IQCM: variants seen among roughly 807,000 people sequenced by gnomAD.
The protein encoded by IQCM is IQ motif containing M, also known as IQ domain-containing protein M.
IQCM carries 45 observed loss-of-function variants against 57.6 expected under a neutral mutation model. The observed-to-expected ratio is 0.78, with a 90% CI of 0.62 to 1.00. IQCM has a LOEUF of 1.00. IQCM is among the 50% of genes least tolerant of loss of function. The probability of loss-of-function intolerance (pLI) is 0.00; values close to 1 mark genes in which losing one functional copy is unlikely to be tolerated. For missense variants in IQCM, 468 were observed against 511.6 expected (o/e 0.91, Z 0.82); for synonymous variants, 148 against 158.9 (o/e 0.93, Z 0.51).
intron 13 of IQCM, among the ~76,000 whole-genome samples, chr4:149,362,129 G>C (rs2110924512): frequency 6.6e-6 from 1 of 152,158 alleles, no homozygotes; most frequent in Non-Finnish European, 1.5e-5. Flanking sequence ...CCTTTGTTTT[G>C]GCCAATTTCT....
intron 12 of IQCM, 131 bp downstream of exon 12, chr4:149,548,324 A>T: frequency 2.9e-6 from 2 of 683,588 alleles, no homozygotes; most frequent in Non-Finnish European, 4.1e-6. Flanking sequence ...GAAAGCACTT[A>T]CACAAAAAGT....
chr4:149,798,367 A>G (rs990596026), intron 2 of IQCM, among the ~76,000 whole-genome samples: 4 of 152,082 alleles, frequency 2.6e-5, no homozygotes, highest in Non-Finnish European at 4.4e-5. Context: ...ATAAAGCAAG[A>G]AACTAAATTG....
intron 9 of IQCM, among the ~76,000 whole-genome samples, chr4:149,568,508 A>AG (rs1479118794): frequency 2.0e-5 from 3 of 152,054 alleles, no homozygotes; most frequent in African/African-American, 7.2e-5. Flanking sequence ...TAATAAAGCC[A>AG]GGTACAGTGG....
At chr4:149,633,053 C>T (rs934452043) in intron 7 of IQCM, among the ~76,000 whole-genome samples, 3 of 145,996 alleles carry the variant, frequency 2.1e-5, no homozygotes, top group African/African-American at 2.5e-5. Context: ...CCCAGCTACT[C>T]GGGAGGCTGA....
At chr4:149,558,942 G>A (rs1749853648) in intron 10 of IQCM, among the ~76,000 whole-genome samples, 1 of 152,140 alleles carries the variant, frequency 6.6e-6, no homozygotes, top group Non-Finnish European at 1.5e-5. Context: ...TGGACTCAGT[G>A]TTAAAACACA....
intron 12 of IQCM, among the ~76,000 whole-genome samples, chr4:149,498,630 G>T (rs1742919692): frequency 6.6e-6 from 1 of 152,128 alleles, no homozygotes; most frequent in Non-Finnish European, 1.5e-5. Flanking sequence ...CCCTCCCAGG[G>T]TGCCCTGAAG....
chr4:149,684,831 G>A (rs1242328973), intron 6 of IQCM, among the ~76,000 whole-genome samples: 5 of 151,318 alleles, frequency 3.3e-5, no homozygotes, highest in African/African-American at 4.8e-5. Flanking sequence ...TGTTAAAGTA[G>A]GAAACAAGTT....
At chr4:149,648,661 C>T (rs1758869561) in intron 7 of IQCM, among the ~76,000 whole-genome samples, 1 of 152,122 alleles carries the variant, frequency 6.6e-6, no homozygotes, top group African/African-American at 2.4e-5. Context: ...AAAAACCAAA[C>T]ACCGCATGTT....
intron 2 of IQCM, chr4:149,780,083 A>C (rs1162497015): frequency 6.6e-6 from 1 of 152,164 alleles, no homozygotes; most frequent in Non-Finnish European, 1.5e-5. Context: ...TGTTCGATTT[A>C]AGCCATCAAG....
At chr4:149,509,241 A>G (rs761297622) in intron 12 of IQCM, among the ~76,000 whole-genome samples, 5 of 152,032 alleles carry the variant, frequency 3.3e-5, no homozygotes, top group Non-Finnish European at 7.4e-5. Flanking sequence ...GGGAGATTGA[A>G]GTTTTGATAT....
chr4:149,632,943 T>C (rs1757397834), intron 7 of IQCM, among the ~76,000 whole-genome samples: 1 of 150,874 alleles, frequency 6.6e-6, no homozygotes, highest in Admixed American at 6.6e-5. Flanking sequence ...GGGTGGATCA[T>C]GAGGTCAGGA....
chr4:149,538,031 A>T (rs1473019716), intron 12 of IQCM, among the ~76,000 whole-genome samples: 1 of 151,254 alleles, frequency 6.6e-6, no homozygotes, highest in Non-Finnish European at 1.5e-5. Context: ...TATATATATG[A>T]ATATATATAT....
intron 12 of IQCM, among the ~76,000 whole-genome samples, chr4:149,502,721 TAGAG>T (rs1247981240): frequency 2.0e-5 from 3 of 150,766 alleles, no homozygotes; most frequent in Non-Finnish European, 3.0e-5. Flanking sequence ...ACAAATAAAA[TAGAG>T]AGAGAAATGG....
chr4:149,567,648 CA>C (rs1413211477), intron 9 of IQCM, among the ~76,000 whole-genome samples: 1 of 151,834 alleles, frequency 6.6e-6, no homozygotes, highest in African/African-American at 2.4e-5. Flanking sequence ...TGCAGGGCCT[CA>C]AGTTGCAAAT....
chr4:149,436,562 CATTGTTAACTAAAAATA>C (rs1296405962), intron 12 of IQCM, among the ~76,000 whole-genome samples: 1 of 152,022 alleles, frequency 6.6e-6, no homozygotes, highest in African/African-American at 2.4e-5. Context: ...TTCATAATTG[CATTGTTAACTAAAAATA>C]AACATTTTCT....
Position 149,490,849 on chromosome 4 carries a change from C to T in IQCM, c.1229-57292G>A, listed in dbSNP as rs76342545. Among the ~76,000 whole-genome samples the T allele has an allele frequency of 4.7e-4, 71 of 152,210 alleles. 1 individual carries two copies. The East Asian group carries it at 0.013, about 28-fold the overall frequency. On this transcript the variant is annotated intron_variant, in intron 12 of 13. Coordinates refer to ENST00000636793, the MANE Select transcript of IQCM (RefSeq NM_001363507.2). ...CTTGGTAACGCTAATCACAATCGCC[C>T]GTGACCTGGATGATTTCTCCACACA...
intron 8 of IQCM, among the ~76,000 whole-genome samples, chr4:149,603,880 C>A (rs114358308): frequency 6.6e-6 from 1 of 152,062 alleles, no homozygotes; most frequent in Non-Finnish European, 1.5e-5. Context: ...TTTTTCACTG[C>A]TTTTGAACTA....
intron 12 of IQCM, among the ~76,000 whole-genome samples, chr4:149,434,368 T>C (rs560418550): frequency 6.6e-6 from 1 of 152,230 alleles, no homozygotes; most frequent in African/African-American, 2.4e-5. Flanking sequence ...GGTATGCCCA[T>C]TGGGCCTCCA....
At chr4:149,679,753 A>G (rs1378210443) in intron 7 of IQCM, among the ~76,000 whole-genome samples, 2 of 151,382 alleles carry the variant, frequency 1.3e-5, no homozygotes, top group African/African-American at 4.8e-5. Context: ...CTATTTATAT[A>G]TTATCTTGTT....
Sources: gnomAD v4.1 joint callset for allele counts (sites outside exome capture counted in the v4.1 genomes callset) on GRCh38, gnomAD v4.1.1 for gene constraint, MANE v1.5 for transcripts, NCBI Gene and HGNC (gene_info 2026-07-23, HGNC 2026-07-21) for gene names.